Variants in LMF1 observed in about 807,000 individuals in gnomAD.
LMF1 encodes the protein transmembrane protein 112.
Under a neutral mutation model 60.6 loss-of-function variants are expected in LMF1, and 68 were observed. The ratio of observed to expected loss-of-function variants is 1.12; its 90% confidence interval spans 0.92 to 1.37. The LOEUF is 1.37. LMF1 is among the 40% of genes most tolerant of loss of function. The probability of loss-of-function intolerance (pLI) is 0.00; values close to 1 mark genes in which losing one functional copy is unlikely to be tolerated. For missense variants in LMF1, 948 were observed against 767.2 expected (o/e 1.24, Z -2.78); for synonymous variants, 418 against 324.7 (o/e 1.29, Z -3.09).
chr16:910,924 C>A lies in LMF1; in HGVS notation c.663+7G>T. ...CCCCAAACACCACGCAGAAGAGCTC[C>A]ACTTACTGCTCCAAGCATGATCCTG... On this transcript the variant is annotated splice_region_variant and intron_variant, in intron 4 of 10. Coordinates refer to ENST00000262301, the MANE Select transcript of LMF1 (RefSeq NM_022773.4). 1 of 1,612,614 alleles carries A rather than the reference C, an allele frequency of 6.2e-7. No individual in the cohort carries two copies. Among genetic ancestry groups the A allele is most frequent in the Non-Finnish European group, 8.5e-7 (1 of 1,179,754 alleles).
At chr16:900,626 C>T (rs1416340712) in intron 4 of LMF1, 1 of 152,466 alleles carries the variant, frequency 6.6e-6, no homozygotes, top group Non-Finnish European at 1.5e-5. Context: ...TCTCCTGCCT[C>T]AGCCTCCTGA....
chr16:876,456 G>A (rs535619303), intron 6 of LMF1, among the ~76,000 whole-genome samples: 5 of 152,296 alleles, frequency 3.3e-5, no homozygotes, highest in South Asian at 2.1e-4. Flanking sequence ...CCTGTCAGCC[G>A]GGACTTTAGT....
At chr16:875,007 C>T (rs369828480) in intron 6 of LMF1, among the ~76,000 whole-genome samples, 24 of 152,304 alleles carry the variant, frequency 1.6e-4, no homozygotes, top group South Asian at 4.1e-4. Flanking sequence ...GACTGCCGGC[C>T]GACCATCTTG....
intron 10 of LMF1, among the ~76,000 whole-genome samples, chr16:864,378 G>A (rs1198348989): frequency 1.3e-5 from 2 of 152,170 alleles, no homozygotes; most frequent in Admixed American, 6.5e-5. Context: ...ATACGCACTC[G>A]GTAGGAACCG....
At position 853,999 on chromosome 16, in the gene LMF1, CA is replaced by C. The variant is rs1432508747; in HGVS notation, c.*532del. The C allele has an allele frequency of 8.4e-5, 38 of 454,022 alleles. No individual in the cohort carries two copies. Among genetic ancestry groups the C allele is most frequent in the Non-Finnish European group, 4.8e-5 (11 of 226,838 alleles). The allele number at this position is 454,022 out of a possible 1,614,324, so 28.1% of individuals were successfully genotyped here. ...GGGATAGGACAGAAAATGGCCCATC[CA>C]ACCCCACATCCTGGCCGGGCGTGTC... On this transcript the variant is annotated 3_prime_UTR_variant, in exon 11 of 11. Transcript: ENST00000262301.
At chr16:980,027 G>A (rs2073299378) in intron 1 of LMF1, 4 of 331,734 alleles carry the variant, frequency 1.2e-5, no homozygotes, top group South Asian at 9.7e-5. Flanking sequence ...GGTGGGACGG[G>A]GAAGAGAGGG....
chr16:940,596 A>T (rs2072075462), intron 2 of LMF1, among the ~76,000 whole-genome samples: 1 of 152,264 alleles, frequency 6.6e-6, no homozygotes, highest in Non-Finnish European at 1.5e-5. Context: ...CAGACAACTA[A>T]ACCCAACGCC....
chr16:933,770 C>A, intron 3 of LMF1: 1 of 377,284 alleles, frequency 2.7e-6, no homozygotes, highest in Non-Finnish European at 5.0e-6. Flanking sequence ...CACTGGGTGG[C>A]TGCCCTCTTC....
chr16:889,600 C>T (rs1471445332), intron 5 of LMF1, among the ~76,000 whole-genome samples: 1 of 152,164 alleles, frequency 6.6e-6, no homozygotes, highest in Non-Finnish European at 1.5e-5. Flanking sequence ...GGGCAACTTT[C>T]CAAGAAAGGG....
rs1177347907 is a variant in LMF1, at chr16:879,827, C to T, written c.730-90G>A. On this transcript the variant is annotated intron_variant, in intron 5 of 10. Transcript: ENST00000262301. ...TTGTGGGTCCCTGGCCCCCTGACCC[C>T]GGCTCCTACTGCACACAGGATCCCC... 1.7e-5 allele frequency: 22 copies of T among 1,305,776 alleles called. 1 individual carries two copies. The East Asian group carries it at 2.3e-4, about 14-fold the overall frequency. The allele number at this position is 1,305,776 out of a possible 1,614,324, so 80.9% of individuals were successfully genotyped here.
At chr16:931,507 C>T (rs2071783622) in intron 3 of LMF1, 5 of 583,440 alleles carry the variant, frequency 8.6e-6, no homozygotes, top group Non-Finnish European at 1.3e-5. Context: ...GGAACGCACG[C>T]ACAAACTGCA....
rs2073277915 is a variant in LMF1, at chr16:979,513, G to A, written c.-135+1632C>T. The A allele has an allele frequency of 2.0e-4, 79 of 403,920 alleles. 1 individual carries two copies. Among genetic ancestry groups the A allele is most frequent in the South Asian group, 1.4e-3 (79 of 54,972 alleles). The allele number at this position is 403,920 out of a possible 1,614,324, so 25.0% of individuals were successfully genotyped here. On this transcript the variant is annotated intron_variant, in intron 1 of 6. Coordinates refer to the LMF1 transcript ENST00000570014. Reference sequence around the variant, plus strand: ...TGGAGCCTGAGGCAGGGTCTCAGTTGCACAGACCACCGTGCCCCAGAGTCA... The same window carrying A: ...TGGAGCCTGAGGCAGGGTCTCAGTTACACAGACCACCGTGCCCCAGAGTCA...
intron 10 of LMF1, among the ~76,000 whole-genome samples, chr16:866,952 G>A (rs1003952666): frequency 3.3e-5 from 5 of 152,062 alleles, no homozygotes; most frequent in African/African-American, 9.7e-5. Flanking sequence ...TCTCACCTTC[G>A]GTCTTCCTGT....
rs4984706 is a variant in LMF1 at position 893,130 on chromosome 16, C to A, written c.664-58G>T. 7.0e-4 allele frequency: 1,017 copies of A among 1,447,164 alleles called. 11 individuals are homozygous for A. In the Middle Eastern group the frequency reaches 0.012, roughly 17 times the overall value. 89.6% of individuals were successfully genotyped at this position (1,447,164 alleles called of 1,614,324 possible). On this transcript the variant is annotated intron_variant, in intron 4 of 10. Transcript: ENST00000262301. ...ACAGGGGCTGGGGATGCGGCGGCCC[C>A]GACAGAAACAGCTTCCCAGGAAGAC...
At chr16:981,408 G>A (rs2151518054), upstream of LMF1, 1 of 304,436 alleles carries the variant, frequency 3.3e-6, no homozygotes, top group Non-Finnish European at 7.2e-6. Flanking sequence ...AGGGGCCCGA[G>A]GACCCGCTTC....
At chr16:879,776 C>A in intron 5 of LMF1, 39 bp from the exon 6 acceptor site, 1 of 1,544,222 alleles carries the variant, frequency 6.5e-7, no homozygotes, top group South Asian at 1.2e-5. Context: ...CCTGGCCGAT[C>A]TCGGGGGGCG....
chr16:925,095 T>A (rs1171062897), intron 3 of LMF1, among the ~76,000 whole-genome samples: 5 of 152,148 alleles, frequency 3.3e-5, no homozygotes, highest in Non-Finnish European at 7.3e-5. Context: ...GCGGAATGGG[T>A]GGTGACGAAA....
intron 10 of LMF1, chr16:854,995 G>A (rs7195471): frequency 0.028 from 14,615 of 518,716 alleles, 1,063 homozygotes; most frequent in African/African-American, 0.2. Flanking sequence ...GGACCGGCCC[G>A]GGGAAGGCCA....
chr16:856,437 G>A (rs1026278162), intron 10 of LMF1, among the ~76,000 whole-genome samples: 3 of 152,222 alleles, frequency 2.0e-5, no homozygotes, highest in Non-Finnish European at 4.4e-5. Flanking sequence ...CCTGGGCCTT[G>A]CTAGGGCAAT....
Sources: allele counts gnomAD v4.1 joint callset (sites outside exome capture counted in the v4.1 genomes callset), GRCh38; gene constraint gnomAD v4.1.1; transcripts MANE v1.5; gene names NCBI Gene and HGNC (gene_info 2026-07-23, HGNC 2026-07-21).